CACNA2D1: variants seen among roughly 807,000 people sequenced by gnomAD.
The protein encoded by CACNA2D1 is calcium voltage-gated channel auxiliary subunit alpha2delta 1.
Under a neutral mutation model 171.5 loss-of-function variants are expected in CACNA2D1, and 53 were observed. The ratio of observed to expected loss-of-function variants is 0.31; its 90% confidence interval spans 0.25 to 0.39. CACNA2D1 has a LOEUF of 0.39. CACNA2D1 is among the 10% of genes least tolerant of loss of function. CACNA2D1 has a pLI of 1.00. For synonymous variants in CACNA2D1, 442 were observed against 443.1 expected, an observed-to-expected ratio of 1.00 and a Z score of 0.03; for missense variants, 903 against 1,299.8, an observed-to-expected ratio of 0.69 and a Z score of 4.69.
At chr7:82,109,806 G>A (rs964111478) in intron 6 of CACNA2D1, among the ~76,000 whole-genome samples, 2 of 152,114 alleles carry the variant, frequency 1.3e-5, no homozygotes, top group African/African-American at 2.4e-5. Flanking sequence ...CTTACTGCAT[G>A]CAATCCTCAC....
chr7:82,301,800 C>CA (rs140977112), intron 3 of CACNA2D1, among the ~76,000 whole-genome samples: 8,304 of 151,480 alleles, frequency 0.055, 758 homozygotes, highest in African/African-American at 0.19. Flanking sequence ...GAGGCTCTCC[C>CA]AGGCTGGAGT....
chr7:82,020,582 C>A (rs1299801679), intron 12 of CACNA2D1, among the ~76,000 whole-genome samples: 1 of 151,956 alleles, frequency 6.6e-6, no homozygotes, highest in Non-Finnish European at 1.5e-5. Context: ...TATAGTCAAA[C>A]TATTAGTATT....
At chr7:82,338,334 T>TA (rs928343438) in intron 2 of CACNA2D1, among the ~76,000 whole-genome samples, 27 of 149,526 alleles carry the variant, frequency 1.8e-4, no homozygotes, top group Non-Finnish European at 2.4e-4. Context: ...ATTTTTTATT[T>TA]AAAAAAAAAA....
At chr7:82,129,910 A>G (rs2129068056) in intron 5 of CACNA2D1, among the ~76,000 whole-genome samples, 1 of 152,272 alleles carries the variant, frequency 6.6e-6, no homozygotes, top group Non-Finnish European at 1.5e-5. Context: ...CTGGTCAACA[A>G]TAGGGCAAGC....
intron 1 of CACNA2D1, among the ~76,000 whole-genome samples, chr7:82,390,163 TTAGCTG>T (rs1327078295): frequency 6.6e-6 from 1 of 152,184 alleles, no homozygotes; most frequent in Non-Finnish European, 1.5e-5. Flanking sequence ...GTCAGTGAAA[TTAGCTG>T]TAGGAATAAG....
At chr7:82,333,232 T>A (rs962989484) in intron 3 of CACNA2D1, among the ~76,000 whole-genome samples, 1 of 152,200 alleles carries the variant, frequency 6.6e-6, no homozygotes, top group Non-Finnish European at 1.5e-5. Flanking sequence ...GACATTTTCC[T>A]GGATAATTAT....
Position 82,014,395 on chromosome 7 carries a change from T to C in CACNA2D1, c.1222+6A>G. 2 of 1,491,936 alleles carry C rather than the reference T, an allele frequency of 1.3e-6. No homozygotes were observed. The highest frequency in any genetic ancestry group is 2.3e-5 in the South Asian group (2 of 88,426). 92.4% of individuals were successfully genotyped at this position (1,491,936 alleles called of 1,614,324 possible). ...CTAATTTATTAGAAGAAAACAGATT[T>C]GTTACCTTTGTTTTCACAGGCCATC... is the stretch of plus-strand genomic sequence containing the variant. On this transcript the variant is annotated splice_donor_region_variant and intron_variant, in intron 13 of 38. Transcript: ENST00000356860.
intron 1 of CACNA2D1, among the ~76,000 whole-genome samples, chr7:82,355,944 T>G (rs941891418): frequency 1.3e-5 from 2 of 152,020 alleles, no homozygotes; most frequent in African/African-American, 4.8e-5. Flanking sequence ...TTGAACTCAA[T>G]ATCTTCCCCC....
chr7:82,083,180 G>T (rs1810011573), intron 7 of CACNA2D1, among the ~76,000 whole-genome samples: 1 of 151,482 alleles, frequency 6.6e-6, no homozygotes, highest in Non-Finnish European at 1.5e-5. Context: ...ACTTATATAT[G>T]GAATATTGTT....
At chr7:82,320,500 C>A (rs1585477457) in intron 3 of CACNA2D1, among the ~76,000 whole-genome samples, 1 of 151,950 alleles carries the variant, frequency 6.6e-6, no homozygotes, top group East Asian at 1.9e-4. Flanking sequence ...CAGCCTTGAA[C>A]TTCTGGGCTC....
chr7:81,970,066 A>T, intron 27 of CACNA2D1, 82 bp from the exon 28 acceptor site: 2 of 829,266 alleles, frequency 2.4e-6, no homozygotes, highest in Middle Eastern at 4.4e-4. Context: ...GCTGAGCTTT[A>T]CAGATACGCC....
At chr7:82,011,695 G>A (rs993420038) in intron 15 of CACNA2D1, among the ~76,000 whole-genome samples, 1 of 152,038 alleles carries the variant, frequency 6.6e-6, no homozygotes, top group African/African-American at 2.4e-5. Context: ...CTATCTAATC[G>A]CATGTACTCC....
intron 3 of CACNA2D1, among the ~76,000 whole-genome samples, chr7:82,265,736 C>T (rs550179920): frequency 4.6e-5 from 7 of 152,024 alleles, no homozygotes; most frequent in Non-Finnish European, 8.8e-5. Context: ...CAACCACTTG[C>T]CATTATTTGC....
At chr7:82,001,616 C>T in intron 18 of CACNA2D1, 1 of 754,718 alleles carries the variant, frequency 1.3e-6, no homozygotes, top group Non-Finnish European at 2.0e-6. Flanking sequence ...TTGGATTTAG[C>T]AAATTTGAAA....
intron 1 of CACNA2D1, among the ~76,000 whole-genome samples, chr7:82,359,876 G>A (rs1457190356): frequency 2.0e-5 from 3 of 152,126 alleles, no homozygotes; most frequent in Non-Finnish European, 2.9e-5. Context: ...TATCTATTGA[G>A]CACCTATATG....
At chr7:82,053,120 C>G (rs571319952) in intron 10 of CACNA2D1, among the ~76,000 whole-genome samples, 2 of 151,862 alleles carry the variant, frequency 1.3e-5, no homozygotes, top group Non-Finnish European at 2.9e-5. Flanking sequence ...GGCGTGGTGG[C>G]GGGTGCCTGT....
chr7:81,995,059 A>AGG (rs927602503), intron 19 of CACNA2D1, 120 bp from the exon 20 acceptor site: 2 of 612,720 alleles, frequency 3.3e-6, no homozygotes, highest in Non-Finnish European at 6.0e-6. Flanking sequence ...AAATAAAAAT[A>AGG]GGGGGTTAGT....
At chr7:82,231,131 T>C (rs574264867) in intron 3 of CACNA2D1, among the ~76,000 whole-genome samples, 1 of 152,240 alleles carries the variant, frequency 6.6e-6, no homozygotes, top group Non-Finnish European at 1.5e-5. Context: ...TTGTTTGTGC[T>C]TCAGAGCTCA....
intron 3 of CACNA2D1, among the ~76,000 whole-genome samples, chr7:82,222,660 CT>C (rs1333370953): frequency 1.3e-5 from 2 of 151,944 alleles, no homozygotes; most frequent in African/African-American, 4.8e-5. Context: ...TAATACAACA[CT>C]TTTTTTTCCT....
Sources: gnomAD v4.1 joint callset for allele counts (sites outside exome capture counted in the v4.1 genomes callset) on GRCh38, gnomAD v4.1.1 for gene constraint, MANE v1.5 for transcripts, NCBI Gene and HGNC (gene_info 2026-07-23, HGNC 2026-07-21) for gene names.